LGI2: variants seen among roughly 807,000 people sequenced by gnomAD.
LGI2 encodes leucine rich repeat LGI family member 2.
A neutral mutation model predicts 52.0 loss-of-function variants in LGI2; 30 were observed. The ratio of observed to expected loss-of-function variants is 0.58; its 90% CI spans 0.43 to 0.78. The LOEUF is 0.78. Ranked by LOEUF, LGI2 falls within the 30% of genes least tolerant of loss-of-function variation. LGI2 has a pLI of 0.00. For missense variants in LGI2, 573 were observed against 692.5 expected, an observed-to-expected ratio of 0.83 and a Z score of 1.94; for synonymous variants, 270 against 271.8, an observed-to-expected ratio of 0.99 and a Z score of 0.06.
At position 25,030,590 on chromosome 4, in the gene LGI2, C is replaced by A. The variant is rs777591712; in HGVS notation, c.104G>T (p.Arg35Leu). The A allele has an allele frequency of 1.3e-6, 2 of 1,566,316 alleles. No homozygotes were observed. The highest frequency in any genetic ancestry group is 1.7e-6 in the Non-Finnish European group (2 of 1,157,472). Residue 35 changes from arginine to leucine, a missense_variant, in exon 1 of 8, where the codon CGC becomes CTC. Arg to Leu is a moderately radical substitution (Grantham distance 102). Coordinates refer to ENST00000382114, the MANE Select transcript of LGI2 (RefSeq NM_018176.4). ...PRSAQVRRLA[R>L]CPATCSCTKE... is the part of the protein sequence containing the mutation. ...GGTACAGCTGCAAGTGGCGGGGCAG[C>A]GCGCCAGCCGCCTCACCTGCGCGCT...
intron 1 of LGI2, among the ~76,000 whole-genome samples, chr4:25,028,905 G>A (rs747878644): frequency 3.3e-5 from 5 of 152,068 alleles, no homozygotes; most frequent in Admixed American, 1.3e-4. Context: ...ATGGATAATC[G>A]CTTCACCTCT....
intron 6 of LGI2, among the ~76,000 whole-genome samples, chr4:25,014,484 C>CAA (rs11443287): frequency 2.9e-4 from 34 of 116,846 alleles, no homozygotes; most frequent in East Asian, 7.2e-4. Context: ...CCGCCCCCGC[C>CAA]AAAAAAAAGG....
chr4:25,021,118 A>G (rs1725944252), intron 4 of LGI2, among the ~76,000 whole-genome samples: 1 of 152,086 alleles, frequency 6.6e-6, no homozygotes, highest in Admixed American at 6.5e-5. Context: ...AAAAAAAAAA[A>G]AAGCAGAGAG....
intron 2 of LGI2, among the ~76,000 whole-genome samples, chr4:25,027,966 T>A (rs561307481): frequency 6.6e-6 from 1 of 152,220 alleles, no homozygotes. Context: ...CTGGCTCTGA[T>A]TTGGGACAAG....
intron 6 of LGI2, among the ~76,000 whole-genome samples, chr4:25,013,078 C>G (rs890503346): frequency 1.3e-5 from 2 of 152,222 alleles, no homozygotes; most frequent in African/African-American, 2.4e-5. Flanking sequence ...GAATGGTACA[C>G]TCCCCAAATG....
chr4:25,026,802 GA>G, intron 3 of LGI2, 65 bp downstream of exon 3: 1 of 1,297,032 alleles, frequency 7.7e-7, no homozygotes, highest in South Asian at 1.2e-5. Flanking sequence ...TTCCAGCACA[GA>G]AACCAATCCA....
Position 25,003,409 on chromosome 4 carries a change from AG to A in LGI2, c.*41del. On this transcript the variant is annotated 3_prime_UTR_variant, in exon 8 of 8. Coordinates refer to ENST00000382114, the MANE Select transcript of LGI2 (RefSeq NM_018176.4). ...TGATTTTTCTTGGTCCTCTTTTGTGAGAGCTAATGCTACATTTCTCTTAGTT... is the reference window on the plus strand; with the variant it reads ...TGATTTTTCTTGGTCCTCTTTTGTGAAGCTAATGCTACATTTCTCTTAGTT... 7.3e-7 allele frequency: 1 copy of A among 1,360,892 alleles called. No homozygotes were observed. The highest frequency in any genetic ancestry group is 2.3e-5 in the East Asian group (1 of 43,040). The allele number at this position is 1,360,892 out of a possible 1,614,324, so 84.3% of individuals were successfully genotyped here.
chr4:25,012,574 A>G, intron 6 of LGI2, 75 bp from the exon 7 acceptor site: 9 of 1,469,206 alleles, frequency 6.1e-6, no homozygotes, highest in South Asian at 1.2e-5. Flanking sequence ...TCACCGTTCC[A>G]TCATCACATC....
Position 25,017,975 on chromosome 4 carries a change from T to C in LGI2, c.655+14A>G, listed in dbSNP as rs1359706691. 3.1e-6 allele frequency: 5 copies of C among 1,594,076 alleles called. No individual in the cohort carries two copies. The highest frequency in any genetic ancestry group is 2.7e-5 in the African/African-American group (2 of 74,082). On this transcript the variant is annotated intron_variant, in intron 6 of 7. Transcript: ENST00000382114. ...TTCTAAATATCCGTGTCTGATGAGATAGGCTCTGAATACCTGTAGTTGTGC... is the reference window on the plus strand; with the variant it reads ...TTCTAAATATCCGTGTCTGATGAGACAGGCTCTGAATACCTGTAGTTGTGC...
At chr4:25,016,452 C>T (rs1408092041) in intron 6 of LGI2, among the ~76,000 whole-genome samples, 1 of 152,212 alleles carries the variant, frequency 6.6e-6, no homozygotes, top group Admixed American at 6.5e-5. Flanking sequence ...GTCTTGAATG[C>T]CACCTTTTGG....
intron 7 of LGI2, among the ~76,000 whole-genome samples, chr4:25,009,344 T>C (rs1160169558): frequency 6.6e-6 from 1 of 152,132 alleles, no homozygotes; most frequent in Non-Finnish European, 1.5e-5. Context: ...CCTGGAATGC[T>C]CTTCCCCCCT....
chr4:25,024,851 CA>C lies in LGI2; in HGVS notation c.381del (p.Asn127LysfsTer9). On this transcript the variant is annotated frameshift_variant, in exon 4 of 8. Transcript: ENST00000382114. LOFTEE classifies it high-confidence loss of function. Reference sequence around the variant, plus strand: ...GTCAGGTCACGGAGGCCACGAAAGGCATTTCTTGAAATGGTTTCTATTTTGT... The same window carrying C: ...GTCAGGTCACGGAGGCCACGAAAGGCTTTCTTGAAATGGTTTCTATTTTGT... ...EGNKIETISR[N>X]AFRGLRDLTH... is the part of the protein sequence containing the mutation. 1 of 1,608,292 alleles carries C rather than the reference CA, an allele frequency of 6.2e-7. No individual in the cohort carries two copies. The highest frequency in any genetic ancestry group is 8.5e-7 in the Non-Finnish European group (1 of 1,177,896).
chr4:25,012,232 T>C, intron 7 of LGI2, 103 bp downstream of exon 7: 2 of 1,311,952 alleles, frequency 1.5e-6, no homozygotes, highest in East Asian at 2.3e-5. Context: ...CTAACCAGGT[T>C]AGAGAGCCGA....
In LGI2 at chr4:25,028,531, G is replaced by A. The variant is rs1485662889; in HGVS notation, c.245C>T (p.Ser82Phe). 6.2e-7 allele frequency: 1 copy of A among 1,613,376 alleles called. No individual in the cohort carries two copies. The highest frequency in any genetic ancestry group is 1.3e-5 in the African/African-American group (1 of 74,924). The part of the protein sequence containing the change: ...TFSEIKDRMF[S>F]HLPSLQLLLL... ...CAGCAGCTGCAGAGAAGGCAGATGG[G>A]AAAACATTCGGTCCTTGATTTCTGA... is the stretch of plus-strand genomic sequence containing the variant. The change falls in exon 2 of 8, where the codon TCC becomes TTC. Residue 82 changes from serine (S) to phenylalanine (F), a missense_variant. Transcript: ENST00000382114.
chr4:25,012,575 T>G (rs1725625828), intron 6 of LGI2, 76 bp from the exon 7 acceptor site: 2 of 1,469,076 alleles, frequency 1.4e-6, no homozygotes, highest in Non-Finnish European at 1.9e-6. Context: ...CACCGTTCCA[T>G]CATCACATCA....
intron 7 of LGI2, among the ~76,000 whole-genome samples, chr4:25,007,149 G>C (rs28736613): frequency 8.5e-5 from 13 of 152,090 alleles, no homozygotes; most frequent in African/African-American, 3.1e-4. Context: ...CCCATTGCAT[G>C]GATGCACCAT....
chr4:25,024,659 C>T (rs981796705), intron 4 of LGI2, among the ~76,000 whole-genome samples, 161 bp downstream of exon 4: 6 of 152,236 alleles, frequency 3.9e-5, no homozygotes, highest in Non-Finnish European at 7.3e-5. Flanking sequence ...TATGTGTGTA[C>T]TCACAATGAG....
At chr4:25,019,122 T>C in intron 5 of LGI2, 45 bp downstream of exon 5, 1 of 1,155,410 alleles carries the variant, frequency 8.7e-7, no homozygotes, top group Non-Finnish European at 1.3e-6. Flanking sequence ...CATGATTAAC[T>C]GGGGCACAAT....
In LGI2 at chr4:25,026,877, A is replaced by G. The variant is rs1381343062; in HGVS notation, c.332T>C (p.Leu111Pro). Residue 111 changes from leucine (L) to proline (P), a missense_variant, in exon 3 of 8, where the codon CTT becomes CCT. Leu to Pro is a moderately conservative substitution (Grantham distance 98). Transcript: ENST00000382114. ...RDDAFAGLFH[L>P]EYLFIEGNKI... ...AAAGCACAAAACTTACAGGTATTCA[A>G]GATGAAAAAGTCCAGCAAAAGCATC... 6.2e-7 allele frequency: 1 copy of G among 1,611,982 alleles called. No homozygotes were observed.
Sources: gnomAD v4.1 joint callset for allele counts (sites outside exome capture counted in the v4.1 genomes callset) on GRCh38, gnomAD v4.1.1 for gene constraint, MANE v1.5 for transcripts, NCBI Gene and HGNC (gene_info 2026-07-23, HGNC 2026-07-21) for gene names.